Variants in RPS6KA2 observed in about 807,000 individuals in gnomAD.
RPS6KA2 encodes the protein ribosomal protein S6 kinase alpha-2.
In RPS6KA2, 42 loss-of-function variants were observed where a neutral mutation model predicts 91.8. The ratio of observed to expected loss-of-function variants is 0.46; its 90% confidence interval spans 0.36 to 0.59. The LOEUF (loss-of-function observed/expected upper bound fraction) is 0.59, where lower values mean the gene tolerates loss of function less well. Ranked by LOEUF, RPS6KA2 falls within the 20% of genes least tolerant of loss-of-function variation. RPS6KA2 has a pLI of 0.00. For synonymous variants in RPS6KA2, 414 were observed against 393.6 expected, an observed-to-expected ratio of 1.05 and a Z score of -0.61; for missense variants, 798 against 978.5, an observed-to-expected ratio of 0.82 and a Z score of 2.46.
intron 2 of RPS6KA2, among the ~76,000 whole-genome samples, chr6:166,638,394 A>T (rs1486662233): frequency 6.6e-6 from 1 of 152,232 alleles, no homozygotes; most frequent in Non-Finnish European, 1.5e-5. Flanking sequence ...AAGATATGAA[A>T]ATGCCATTAA....
At chr6:166,723,698 TC>T (rs1790248851) in intron 2 of RPS6KA2, among the ~76,000 whole-genome samples, 2 of 144,248 alleles carry the variant, frequency 1.4e-5, no homozygotes, top group African/African-American at 5.9e-5. Context: ...TTTTTTCTTT[TC>T]TTTTCTTTTT....
intron 3 of RPS6KA2, 110 bp downstream of exon 3, chr6:166,531,122 G>T: frequency 1.3e-6 from 1 of 777,088 alleles, no homozygotes; most frequent in South Asian, 1.5e-5. Flanking sequence ...CTCATTTAGA[G>T]ACATTTTCAG....
intron 10 of RPS6KA2, among the ~76,000 whole-genome samples, chr6:166,470,494 G>A (rs181042594): frequency 2.4e-4 from 36 of 152,350 alleles, no homozygotes; most frequent in African/African-American, 8.4e-4. Flanking sequence ...GCTTTGTTCT[G>A]TTATTTCTAC....
At chr6:166,668,620 G>T (rs770994577) in intron 2 of RPS6KA2, among the ~76,000 whole-genome samples, 1 of 152,272 alleles carries the variant, frequency 6.6e-6, no homozygotes, top group East Asian at 1.9e-4. Flanking sequence ...GGGTGGTGTC[G>T]TGACAACCTG....
chr6:166,647,443 C>T (rs1787642246), intron 2 of RPS6KA2, among the ~76,000 whole-genome samples: 1 of 152,194 alleles, frequency 6.6e-6, no homozygotes, highest in South Asian at 2.1e-4. Flanking sequence ...TCTGTCTGCA[C>T]CGCTGTTCAG....
intron 2 of RPS6KA2, among the ~76,000 whole-genome samples, chr6:166,840,341 A>G (rs1780435369): frequency 6.6e-6 from 1 of 152,218 alleles, no homozygotes; most frequent in Admixed American, 6.5e-5. Context: ...CCAGGCTTTC[A>G]TGTGAGAGTG....
At chr6:166,694,772 C>T (rs1789309285) in intron 2 of RPS6KA2, among the ~76,000 whole-genome samples, 1 of 152,212 alleles carries the variant, frequency 6.6e-6, no homozygotes, top group Non-Finnish European at 1.5e-5. Flanking sequence ...ATCTGAATGA[C>T]CTGAGCCCTT....
intron 3 of RPS6KA2, among the ~76,000 whole-genome samples, chr6:166,517,275 A>C (rs980949321): frequency 1.3e-5 from 2 of 152,100 alleles, no homozygotes; most frequent in African/African-American, 4.8e-5. Context: ...TGGGTGGATC[A>C]CTTGAGCCGA....
At chr6:166,675,987 G>T (rs996328531) in intron 2 of RPS6KA2, among the ~76,000 whole-genome samples, 4 of 152,170 alleles carry the variant, frequency 2.6e-5, no homozygotes, top group Admixed American at 1.3e-4. Context: ...GTGTAAACAG[G>T]CTTCGCCGTA....
chr6:166,627,406 C>T (rs1040001502), upstream of RPS6KA2: 5 of 181,722 alleles, frequency 2.8e-5, no homozygotes, highest in Non-Finnish European at 4.2e-5. Flanking sequence ...CCCGTTCCCA[C>T]CCACCACCAG....
At chr6:166,627,252 A>G (rs1447594332), upstream of RPS6KA2, 1 of 1,012,476 alleles carries the variant, frequency 9.9e-7, no homozygotes, top group African/African-American at 1.7e-5. Flanking sequence ...CCCTGCGAGT[A>G]CCAGCGCCGG....
At chr6:166,646,103 T>C (rs1161999429) in intron 2 of RPS6KA2, among the ~76,000 whole-genome samples, 1 of 152,190 alleles carries the variant, frequency 6.6e-6, no homozygotes, top group African/African-American at 2.4e-5. Context: ...AATTGGGAAA[T>C]TTGCCATGGT....
chr6:166,432,374 A>G (rs1260352872), intron 15 of RPS6KA2, 27 bp downstream of exon 15: 7 of 1,452,578 alleles, frequency 4.8e-6, no homozygotes, highest in Non-Finnish European at 6.8e-6. Context: ...AAGGAAGTGG[A>G]GATGCTGTTG....
chr6:166,861,981 G>A (rs1310945908), intron 1 of RPS6KA2: 41 of 1,211,490 alleles, frequency 3.4e-5, no homozygotes, highest in Non-Finnish European at 4.7e-5. Context: ...ACACTGGATA[G>A]CCAACTCTCT....
intron 2 of RPS6KA2, among the ~76,000 whole-genome samples, chr6:166,846,345 T>C (rs1780604580): frequency 6.6e-6 from 1 of 152,080 alleles, no homozygotes. Context: ...AGGGAATCCT[T>C]CTTAAATCAT....
At chr6:166,844,616 T>G (rs192437644) in intron 2 of RPS6KA2, among the ~76,000 whole-genome samples, 3 of 152,302 alleles carry the variant, frequency 2.0e-5, no homozygotes, top group Non-Finnish European at 2.9e-5. Context: ...GGTCCTATGT[T>G]TAGCCTCCTT....
chr6:166,477,972 A>G (rs1781039338), intron 10 of RPS6KA2, among the ~76,000 whole-genome samples: 1 of 152,216 alleles, frequency 6.6e-6, no homozygotes, highest in Admixed American at 6.5e-5. Context: ...GCAAGAATAG[A>G]TCTGAATTGT....
At chr6:166,815,002 A>G (rs1408103500) in intron 2 of RPS6KA2, among the ~76,000 whole-genome samples, 2 of 152,224 alleles carry the variant, frequency 1.3e-5, no homozygotes, top group Non-Finnish European at 2.9e-5. Context: ...GTCATCCACA[A>G]AATTTGTCCC....
intron 1 of RPS6KA2, among the ~76,000 whole-genome samples, chr6:166,593,348 A>G (rs1406689767): frequency 6.6e-6 from 1 of 152,246 alleles, no homozygotes; most frequent in Non-Finnish European, 1.5e-5. Context: ...AAGACTATAT[A>G]AAAACAGAAC....
Sources: gnomAD v4.1 joint callset for allele counts (sites outside exome capture counted in the v4.1 genomes callset) on GRCh38, gnomAD v4.1.1 for gene constraint, MANE v1.5 for transcripts, NCBI Gene and HGNC (gene_info 2026-07-23, HGNC 2026-07-21) for gene names.